The following YES1 variants were observed in gnomAD, a reference collection of about 807,000 sequenced individuals.
YES1 encodes YES proto-oncogene 1, Src family tyrosine kinase, also known as tyrosine-protein kinase Yes.
Under a neutral mutation model 70.4 loss-of-function variants are expected in YES1, and 39 were observed. That is an observed-to-expected ratio of 0.55 (90% CI 0.43 to 0.72). YES1 has a LOEUF of 0.72. YES1 is among the 30% of genes least tolerant of loss of function. The pLI, the probability that YES1 is intolerant of heterozygous loss-of-function variation, is 0.00. For synonymous variants in YES1, 198 were observed against 218.6 expected (o/e 0.91, Z 0.83); for missense variants, 495 against 644.8 (o/e 0.77, Z 2.52).
intron 1 of YES1, among the ~76,000 whole-genome samples, chr18:780,770 C>T (rs1905618351): frequency 6.6e-6 from 1 of 152,148 alleles, no homozygotes; most frequent in African/African-American, 2.4e-5. Context: ...TGAAACTTCC[C>T]TTGACTACTA....
chr18:773,251 T>C (rs368556407), intron 1 of YES1, among the ~76,000 whole-genome samples: 1 of 152,240 alleles, frequency 6.6e-6, no homozygotes, highest in African/African-American at 2.4e-5. Flanking sequence ...CTCTACTAAG[T>C]CACCTGCCAT....
Position 745,823 on chromosome 18 carries a change from C to T in YES1, c.609G>A (p.Glu203=). 1 of 1,612,964 alleles carries T rather than the reference C, an allele frequency of 6.2e-7. No homozygotes were observed. The highest frequency in any genetic ancestry group is 1.1e-5 in the South Asian group (1 of 90,940). ...AYSLSIRDWD[E]IRGDNVKHYK... ...AGTGTTTCACATTGTCACCCCTTAT[C>T]TCATCCCAATCACGAATAGAAAGGG... The change falls in exon 6 of 12, where the codon GAG becomes GAA. Residue 203 remains glutamate, a synonymous_variant. Coordinates refer to ENST00000314574, the MANE Select transcript of YES1 (RefSeq NM_005433.4).
intron 1 of YES1, among the ~76,000 whole-genome samples, chr18:793,331 G>A (rs1042655643): frequency 6.6e-6 from 1 of 151,898 alleles, no homozygotes; most frequent in Non-Finnish European, 1.5e-5. Flanking sequence ...GAGCCACCGC[G>A]CCTGGCCATT....
chr18:806,009 C>A (rs1187495278), intron 1 of YES1, among the ~76,000 whole-genome samples: 1 of 152,158 alleles, frequency 6.6e-6, no homozygotes, highest in East Asian at 1.9e-4. Flanking sequence ...TTCCTCCTAG[C>A]ACTTCCTGTT....
At chr18:764,235 T>C (rs1409528730) in intron 1 of YES1, among the ~76,000 whole-genome samples, 1 of 152,230 alleles carries the variant, frequency 6.6e-6, no homozygotes, top group Non-Finnish European at 1.5e-5. Context: ...TTTTTTATTT[T>C]TTTTGAGACT....
At chr18:808,659 T>C (rs1907220405) in intron 1 of YES1, among the ~76,000 whole-genome samples, 1 of 152,212 alleles carries the variant, frequency 6.6e-6, no homozygotes, top group African/African-American at 2.4e-5. Flanking sequence ...CTTTATAACA[T>C]GACTGAAAGT....
intron 11 of YES1, among the ~76,000 whole-genome samples, chr18:731,424 G>A (rs2080085901): frequency 6.6e-6 from 1 of 152,130 alleles, no homozygotes; most frequent in Admixed American, 6.5e-5. Context: ...AGACAAAGTG[G>A]GTGATAAAAT....
At chr18:806,577 TTTAG>T (rs557993879) in intron 1 of YES1, among the ~76,000 whole-genome samples, 214 of 152,346 alleles carry the variant, frequency 1.4e-3, no homozygotes, top group Non-Finnish European at 2.1e-3. Flanking sequence ...TCAGAATTTA[TTTAG>T]TATTTATTGT....
chr18:744,271 G>A (rs569848110), intron 6 of YES1, among the ~76,000 whole-genome samples: 221 of 151,692 alleles, frequency 1.5e-3, no homozygotes, highest in African/African-American at 5.0e-3. Flanking sequence ...TGTACACTGG[G>A]TTTTATTAAT....
chr18:765,047 TAA>T (rs1768103313), intron 1 of YES1, among the ~76,000 whole-genome samples: 1 of 151,590 alleles, frequency 6.6e-6, no homozygotes, highest in African/African-American at 2.4e-5. Context: ...CTGAATCTTT[TAA>T]AGATAACAGA....
intron 1 of YES1, among the ~76,000 whole-genome samples, chr18:771,998 A>C (rs749375553): frequency 6.6e-6 from 1 of 152,036 alleles, no homozygotes; most frequent in Non-Finnish European, 1.5e-5. Context: ...CAGAAATTAC[A>C]AGACAGTCTG....
intron 1 of YES1, among the ~76,000 whole-genome samples, chr18:771,861 T>C (rs7242400): frequency 0.39 from 58,695 of 151,894 alleles, 12,943 homozygotes; most frequent in African/African-American, 0.6. Flanking sequence ...TATTTCCTTA[T>C]GTATCTGCTT....
At position 724,283 on chromosome 18, in the gene YES1, T is replaced by C. The variant is rs1282554217; in HGVS notation, c.*141A>G. On this transcript the variant is annotated 3_prime_UTR_variant, in exon 12 of 12. Coordinates refer to ENST00000314574, the MANE Select transcript of YES1 (RefSeq NM_005433.4). ...ATACTTGGGGAAAAAAAAGTGGTTT[T>C]GTGCAACCATATCTGGGATTCCAGT... 2.4e-6 allele frequency: 2 copies of C among 828,788 alleles called. No individual in the cohort carries two copies. Among genetic ancestry groups the C allele is most frequent in the Non-Finnish European group, 3.7e-6 (2 of 540,184 alleles). 51.3% of individuals were successfully genotyped at this position (828,788 alleles called of 1,614,324 possible).
chr18:746,543 A>C (rs558976614), intron 4 of YES1, among the ~76,000 whole-genome samples: 1 of 152,348 alleles, frequency 6.6e-6, no homozygotes, highest in East Asian at 1.9e-4. Context: ...GGAAGAGCTC[A>C]CAGAAAATGA....
At chr18:812,013 A>AACC (rs763841928) in intron 1 of YES1, 101 bp downstream of exon 1, 1 of 136,016 alleles carries the variant, frequency 7.4e-6, no homozygotes, top group East Asian at 2.2e-4. Flanking sequence ...GGGGGCGGGG[A>AACC]ACCGCGGCGG....
At chr18:745,498 A>AT (rs2080268294) in intron 6 of YES1, among the ~76,000 whole-genome samples, 1 of 152,210 alleles carries the variant, frequency 6.6e-6, no homozygotes, top group Admixed American at 6.5e-5. Context: ...AAGGACCCAA[A>AT]TGATGAGAGT....
chr18:738,478 C>CA (rs924112234), intron 9 of YES1: 2 of 152,086 alleles, frequency 1.3e-5, no homozygotes, highest in African/African-American at 4.8e-5. Flanking sequence ...ATCACGAGGT[C>CA]AGGAGATCAA....
At chr18:726,252 C>T (rs1210770666) in intron 11 of YES1, among the ~76,000 whole-genome samples, 4 of 151,934 alleles carry the variant, frequency 2.6e-5, no homozygotes, top group Admixed American at 6.6e-5. Flanking sequence ...GGTGAAGCCC[C>T]GTCTCTACTA....
intron 9 of YES1, chr18:739,155 G>C (rs1043808124): frequency 1.3e-5 from 2 of 152,136 alleles, no homozygotes; most frequent in African/African-American, 2.4e-5. Flanking sequence ...GAAACCGTAT[G>C]ATACAGGACA....
Sources: allele counts gnomAD v4.1 joint callset (sites outside exome capture counted in the v4.1 genomes callset), GRCh38; gene constraint gnomAD v4.1.1; transcripts MANE v1.5; gene names NCBI Gene and HGNC (gene_info 2026-07-23, HGNC 2026-07-21).